The following RHBDL2 variants were observed in gnomAD, a reference collection of about 807,000 sequenced individuals.
RHBDL2 encodes rhomboid-related protein 2.
A neutral mutation model predicts 31.7 loss-of-function variants in RHBDL2; 26 were observed. The observed-to-expected ratio is 0.82, with a 90% CI of 0.60 to 1.14. RHBDL2 has a LOEUF of 1.14. Ranked by LOEUF, RHBDL2 falls within the 50% of genes most tolerant of loss-of-function variation. The pLI, the probability that RHBDL2 is intolerant of heterozygous loss-of-function variation, is 0.00. For missense variants in RHBDL2, 336 were observed against 364.4 expected (o/e 0.92, Z 0.63); for synonymous variants, 123 against 127.2 (o/e 0.97, Z 0.22).
At position 38,897,245 on chromosome 1, in the gene RHBDL2, C is replaced by T. The variant is rs549316590; in HGVS notation, c.509-1176G>A. ...CCTCCCGAGCAGCTGGGACTACAGGCGCCCGCCACCACGCCTGGCTAATTT... is the reference window on the plus strand; with the variant it reads ...CCTCCCGAGCAGCTGGGACTACAGGTGCCCGCCACCACGCCTGGCTAATTT... On this transcript the variant is annotated intron_variant, in intron 4 of 7. Transcript: ENST00000372990. 5.3e-5 allele frequency among the ~76,000 whole-genome samples: 8 copies of T among 152,080 alleles called. No homozygotes were observed. The East Asian group carries it at 9.7e-4, about 18-fold the overall frequency.
intron 3 of RHBDL2, among the ~76,000 whole-genome samples, chr1:38,912,120 C>T (rs937926442): frequency 6.6e-6 from 1 of 151,954 alleles, no homozygotes; most frequent in Non-Finnish European, 1.5e-5. Context: ...TACAAGCATG[C>T]GCCACCATGC....
At chr1:38,906,918 G>A (rs7547273) in intron 4 of RHBDL2, among the ~76,000 whole-genome samples, 54,658 of 151,812 alleles carry the variant, frequency 0.36, 10,968 homozygotes, top group Non-Finnish European at 0.45. Flanking sequence ...TTATTCTAAC[G>A]CTTATATGGA....
At chr1:38,940,832 G>A (rs1027778322) in intron 1 of RHBDL2, among the ~76,000 whole-genome samples, 3 of 152,126 alleles carry the variant, frequency 2.0e-5, no homozygotes, top group Admixed American at 1.3e-4. Context: ...GGAGTTTGAA[G>A]TTGTAGTAAG....
At chr1:38,932,012 A>C (rs1426159935) in intron 1 of RHBDL2, among the ~76,000 whole-genome samples, 1 of 152,162 alleles carries the variant, frequency 6.6e-6, no homozygotes, top group Non-Finnish European at 1.5e-5. Flanking sequence ...GCTATGCTGG[A>C]TACTTTGCAG....
At chr1:38,890,756 G>A (rs1332776628) in intron 6 of RHBDL2, among the ~76,000 whole-genome samples, 1 of 151,178 alleles carries the variant, frequency 6.6e-6, no homozygotes, top group Non-Finnish European at 1.5e-5. Context: ...CTAGACTACA[G>A]TGGCATGTTC....
intron 1 of RHBDL2, among the ~76,000 whole-genome samples, chr1:38,941,080 G>A (rs927645687): frequency 6.6e-6 from 1 of 152,224 alleles, no homozygotes; most frequent in Non-Finnish European, 1.5e-5. Context: ...AAGAGGAGCA[G>A]AAATTGCGCA....
chr1:38,894,485 G>C lies in RHBDL2; in HGVS notation c.610-1261C>G, dbSNP rs1019564065. Reference sequence around the variant, plus strand: ...CTACAGGTGCGTGCCACCACACCCAGCTAATTTTTGTATTTTTAGTAGAGA... The same window carrying C: ...CTACAGGTGCGTGCCACCACACCCACCTAATTTTTGTATTTTTAGTAGAGA... On this transcript the variant is annotated intron_variant, in intron 5 of 7. Coordinates refer to ENST00000372990, the MANE Select transcript of RHBDL2 (RefSeq NM_017821.5). Among the ~76,000 whole-genome samples the C allele has an allele frequency of 2.0e-5, 3 of 151,872 alleles. No homozygotes were observed. The East Asian group carries it at 5.8e-4, about 29-fold the overall frequency.
intron 4 of RHBDL2, among the ~76,000 whole-genome samples, chr1:38,902,405 T>C (rs1643004254): frequency 8.7e-6 from 1 of 114,728 alleles, no homozygotes. Flanking sequence ...TTTCATTTTA[T>C]TTTTTTATTT....
intron 3 of RHBDL2, among the ~76,000 whole-genome samples, chr1:38,913,861 G>T (rs1463861677): frequency 6.6e-6 from 1 of 152,190 alleles, no homozygotes; most frequent in Non-Finnish European, 1.5e-5. Context: ...GCTCACGCCT[G>T]TAATCCCAGC....
chr1:38,913,171 C>T (rs111979828), intron 3 of RHBDL2, among the ~76,000 whole-genome samples: 23,533 of 151,130 alleles, frequency 0.16, 2,265 homozygotes, highest in Non-Finnish European at 0.22. Context: ...TTACTAGAGA[C>T]GGGGTTTCAC....
In RHBDL2 at chr1:38,894,314, TTTG is replaced by T. The variant is rs370276049; in HGVS notation, c.610-1093_610-1091del. 2.8e-4 allele frequency among the ~76,000 whole-genome samples: 43 copies of T among 151,868 alleles called. 1 individual carries two copies. In the East Asian group the frequency reaches 5.8e-3, roughly 20 times the overall value. Reference sequence around the variant, plus strand: ...TGCTTTACACTTTTCTACCTAGAATTTTGTTGTTGTTGTTGTTGTTGTTGTTTG... The same window carrying T: ...TGCTTTACACTTTTCTACCTAGAATTTTGTTGTTGTTGTTGTTGTTGTTTG... On this transcript the variant is annotated intron_variant, in intron 5 of 7. Transcript: ENST00000372990.
chr1:38,887,604 T>C (rs1215344881), intron 7 of RHBDL2, among the ~76,000 whole-genome samples: 1 of 152,070 alleles, frequency 6.6e-6, no homozygotes, highest in Non-Finnish European at 1.5e-5. Context: ...TTTGTATTTT[T>C]AGTAGAGACG....
chr1:38,914,710 T>C (rs1369045171), intron 3 of RHBDL2, among the ~76,000 whole-genome samples: 3 of 151,968 alleles, frequency 2.0e-5, no homozygotes, highest in Non-Finnish European at 4.4e-5. Context: ...TAAATACTAA[T>C]ATTGGGCAGT....
intron 4 of RHBDL2, among the ~76,000 whole-genome samples, chr1:38,905,079 G>A (rs1044829412): frequency 2.0e-5 from 3 of 149,722 alleles, no homozygotes; most frequent in East Asian, 2.0e-4. Flanking sequence ...TATTTATAAC[G>A]TCTCCTCTCC....
chr1:38,903,614 G>T (rs1643023384), intron 4 of RHBDL2, among the ~76,000 whole-genome samples: 1 of 152,152 alleles, frequency 6.6e-6, no homozygotes. Context: ...TTCAACATGG[G>T]TTGGAAGACT....
chr1:38,925,701 A>G (rs778051763), intron 1 of RHBDL2, among the ~76,000 whole-genome samples: 1 of 152,114 alleles, frequency 6.6e-6, no homozygotes, highest in Non-Finnish European at 1.5e-5. Context: ...CCAAAAAACA[A>G]AGTTACTGTC....
chr1:38,910,190 T>C (rs1218946242), intron 4 of RHBDL2, among the ~76,000 whole-genome samples: 4 of 151,986 alleles, frequency 2.6e-5, no homozygotes, highest in Non-Finnish European at 5.9e-5. Flanking sequence ...TTGCCAGAGG[T>C]AAAGGAGGGT....
At chr1:38,935,429 TCA>T (rs1159433746) in intron 1 of RHBDL2, among the ~76,000 whole-genome samples, 1 of 152,226 alleles carries the variant, frequency 6.6e-6, no homozygotes, top group African/African-American at 2.4e-5. Flanking sequence ...AATTCTGATT[TCA>T]CCACTTGACA....
intron 2 of RHBDL2, among the ~76,000 whole-genome samples, chr1:38,917,017 C>CTTT (rs547654933): frequency 1.1e-4 from 13 of 119,906 alleles, no homozygotes; most frequent in African/African-American, 1.8e-4. Context: ...CAGGAACTTT[C>CTTT]TTTTTTTTTT....
Sources: gnomAD v4.1 joint callset for allele counts (sites outside exome capture counted in the v4.1 genomes callset) on GRCh38, gnomAD v4.1.1 for gene constraint, MANE v1.5 for transcripts, NCBI Gene and HGNC (gene_info 2026-07-23, HGNC 2026-07-21) for gene names.